The following FAM171A1 variants were observed in gnomAD, a reference collection of about 807,000 sequenced individuals.
FAM171A1 encodes family with sequence similarity 171 member A1.
FAM171A1 carries 23 observed loss-of-function variants against 74.9 expected under a neutral mutation model. The observed-to-expected ratio is 0.31, with a 90% CI of 0.22 to 0.44. FAM171A1 has a LOEUF of 0.44. FAM171A1 is among the 20% of genes least tolerant of loss of function. The pLI is 1.00. For missense variants in FAM171A1, 1,162 were observed against 1,159.2 expected (o/e 1.00, Z -0.03); for synonymous variants, 527 against 505.7 (o/e 1.04, Z -0.57).
At chr10:15,319,809 C>T (rs1208030828) in intron 1 of FAM171A1, among the ~76,000 whole-genome samples, 1 of 152,172 alleles carries the variant, frequency 6.6e-6, no homozygotes, top group Non-Finnish European at 1.5e-5. Flanking sequence ...GACATAATCC[C>T]TTCATCCAAG....
At chr10:15,357,793 T>C (rs1236883871) in intron 1 of FAM171A1, among the ~76,000 whole-genome samples, 4 of 152,158 alleles carry the variant, frequency 2.6e-5, no homozygotes, top group Admixed American at 6.6e-5. Context: ...CATAATAAAA[T>C]GTTAATTACA....
intron 1 of FAM171A1, among the ~76,000 whole-genome samples, chr10:15,350,136 C>G (rs1216194186): frequency 2.6e-5 from 4 of 152,072 alleles, no homozygotes; most frequent in Non-Finnish European, 5.9e-5. Context: ...AGCAAAAGCT[C>G]AGCAACCCAC....
At chr10:15,283,732 A>T in intron 2 of FAM171A1, 146 bp downstream of exon 2, 1 of 727,790 alleles carries the variant, frequency 1.4e-6, no homozygotes, top group African/African-American at 1.8e-5. Context: ...CTACAGGTGC[A>T]CACTATGATG....
rs551136358 is a variant in FAM171A1, at chr10:15,316,198, C to G, written c.98-32093G>C. 3.3e-5 allele frequency among the ~76,000 whole-genome samples: 5 copies of G among 152,350 alleles called. No individual in the cohort carries two copies. In the East Asian group the frequency reaches 5.8e-4, roughly 18 times the overall value. ...GGTTTTCATTACTCTAAGTTTACAA[C>G]AAGCACCCTTGTGCACGATGGTTTA... On this transcript the variant is annotated intron_variant, in intron 1 of 7. Transcript: ENST00000378116.
At chr10:15,267,960 G>T (rs957866020) in intron 3 of FAM171A1, among the ~76,000 whole-genome samples, 1 of 152,222 alleles carries the variant, frequency 6.6e-6, no homozygotes, top group Non-Finnish European at 1.5e-5. Flanking sequence ...AAAGGGAAAG[G>T]TGGGGACAGT....
chr10:15,368,684 A>C (rs947140244), intron 1 of FAM171A1, among the ~76,000 whole-genome samples: 6 of 152,212 alleles, frequency 3.9e-5, no homozygotes, highest in African/African-American at 1.4e-4. Flanking sequence ...CTGTATGCAT[A>C]ACAACCTACA....
intron 1 of FAM171A1, among the ~76,000 whole-genome samples, chr10:15,331,727 T>A (rs1358691802): frequency 6.6e-6 from 1 of 151,148 alleles, no homozygotes; most frequent in Non-Finnish European, 1.5e-5. Context: ...GACTGATGTT[T>A]TATATATATG....
At chr10:15,253,883 G>A (rs1438800013) in intron 4 of FAM171A1, among the ~76,000 whole-genome samples, 2 of 152,216 alleles carry the variant, frequency 1.3e-5, no homozygotes, top group Non-Finnish European at 2.9e-5. Flanking sequence ...TCCAGAGAAT[G>A]GTGCAGTTGG....
At chr10:15,221,237 T>C (rs770245893) in intron 5 of FAM171A1, among the ~76,000 whole-genome samples, 177 bp from the exon 6 acceptor site, 27 of 152,274 alleles carry the variant, frequency 1.8e-4, no homozygotes, top group Non-Finnish European at 3.5e-4. Flanking sequence ...GAAATTCTTT[T>C]CAATTTCCTT....
At chr10:15,353,660 A>C (rs1192503108) in intron 1 of FAM171A1, among the ~76,000 whole-genome samples, 4 of 152,196 alleles carry the variant, frequency 2.6e-5, no homozygotes, top group Admixed American at 2.6e-4. Context: ...GCAGAGTCCA[A>C]AGAAGCCGGA....
At chr10:15,294,681 T>C (rs1489895976) in intron 1 of FAM171A1, among the ~76,000 whole-genome samples, 2 of 152,208 alleles carry the variant, frequency 1.3e-5, no homozygotes, top group Non-Finnish European at 2.9e-5. Context: ...TCCAGCATTA[T>C]CTTTTAGTCA....
At chr10:15,298,797 C>A (rs891773582) in intron 1 of FAM171A1, among the ~76,000 whole-genome samples, 2 of 152,060 alleles carry the variant, frequency 1.3e-5, no homozygotes, top group African/African-American at 2.4e-5. Flanking sequence ...TCATACAATA[C>A]CCTGCTCCAC....
intron 4 of FAM171A1, 61 bp from the exon 5 acceptor site, chr10:15,248,876 AC>A (rs1834470845): frequency 4.7e-6 from 7 of 1,486,450 alleles, no homozygotes; most frequent in Non-Finnish European, 6.3e-6. Context: ...GGCTGTGGAA[AC>A]CTTTGCAAAA....
At chr10:15,233,805 G>A (rs11259560) in intron 5 of FAM171A1, among the ~76,000 whole-genome samples, 25,153 of 151,698 alleles carry the variant, frequency 0.17, 2,401 homozygotes, top group East Asian at 0.28. Context: ...GGGAGGCTGA[G>A]GCAGGAGAAT....
upstream of FAM171A1, among the ~76,000 whole-genome samples, chr10:15,373,136 C>G (rs1411308970): frequency 6.6e-6 from 1 of 152,154 alleles, no homozygotes; most frequent in East Asian, 1.9e-4. Flanking sequence ...AAAACTAGGA[C>G]GTACAGAAGC....
chr10:15,344,158 T>G (rs1359691265), intron 1 of FAM171A1, among the ~76,000 whole-genome samples: 1 of 152,164 alleles, frequency 6.6e-6, no homozygotes, highest in Non-Finnish European at 1.5e-5. Flanking sequence ...CTAAAAAGTT[T>G]AGGGTTGAGA....
chr10:15,229,800 A>AGGCGTTTCCAGATCCCTGAATATGC (rs1834174296), intron 5 of FAM171A1, among the ~76,000 whole-genome samples: 1 of 18,360 alleles, frequency 5.4e-5, no homozygotes, highest in African/African-American at 3.3e-4. Context: ...CATCACCATC[A>AGGCGTTTCCAGATCCCTGAATATGC]TCACCATCAC....
chr10:15,266,250 A>G (rs1834738610), intron 3 of FAM171A1, among the ~76,000 whole-genome samples: 1 of 152,172 alleles, frequency 6.6e-6, no homozygotes, highest in Non-Finnish European at 1.5e-5. Flanking sequence ...TCCCAGGAAA[A>G]GAAAGGGGAC....
At chr10:15,292,177 C>T (rs1447803600) in intron 1 of FAM171A1, among the ~76,000 whole-genome samples, 1 of 152,122 alleles carries the variant, frequency 6.6e-6, no homozygotes, top group Non-Finnish European at 1.5e-5. Flanking sequence ...TGCACAATGG[C>T]TCCCCCCTCA....
Sources: gnomAD v4.1 joint callset for allele counts (sites outside exome capture counted in the v4.1 genomes callset) on GRCh38, gnomAD v4.1.1 for gene constraint, MANE v1.5 for transcripts, NCBI Gene and HGNC (gene_info 2026-07-23, HGNC 2026-07-21) for gene names.